The following CSMD1 variants were observed in gnomAD, a reference collection of about 807,000 sequenced individuals.
CSMD1 encodes CUB and Sushi multiple domains 1.
CSMD1 carries 213 observed loss-of-function variants against 417.5 expected under a neutral mutation model. That is an observed-to-expected ratio of 0.51 (90% confidence interval 0.46 to 0.57). The LOEUF (loss-of-function observed/expected upper bound fraction) is 0.57, where lower values mean the gene tolerates loss of function less well. Ranked by LOEUF, CSMD1 falls within the 20% of genes least tolerant of loss-of-function variation. The pLI, the probability that CSMD1 is intolerant of heterozygous loss-of-function variation, is 0.00. For synonymous variants in CSMD1, 2,862 were observed against 1,736.8 expected (o/e 1.65, Z -16.11); for missense variants, 6,923 against 4,529.7 (o/e 1.53, Z -15.17).
intron 26 of CSMD1, among the ~76,000 whole-genome samples, chr8:3,242,664 G>C (rs1799616720): frequency 6.6e-6 from 1 of 152,056 alleles, no homozygotes; most frequent in Non-Finnish European, 1.5e-5. Context: ...TAAGAACACA[G>C]GCTAAGGGAG....
intron 3 of CSMD1, among the ~76,000 whole-genome samples, chr8:4,376,850 G>A (rs866883504): frequency 6.6e-6 from 1 of 152,138 alleles, no homozygotes; most frequent in African/African-American, 2.4e-5. Context: ...ATTTGTAAGT[G>A]CTTCTCTGTT....
chr8:3,255,150 G>C (rs1295557211), intron 26 of CSMD1, among the ~76,000 whole-genome samples: 1 of 152,156 alleles, frequency 6.6e-6, no homozygotes, highest in African/African-American at 2.4e-5. Context: ...GAACCTATTT[G>C]CCTGGGTATC....
At chr8:4,280,592 G>T (rs1223313767) in intron 3 of CSMD1, among the ~76,000 whole-genome samples, 2 of 152,094 alleles carry the variant, frequency 1.3e-5, no homozygotes, top group Non-Finnish European at 2.9e-5. Context: ...GGGAAAAATG[G>T]GTACTGTTTG....
chr8:4,614,695 C>T (rs537395836), intron 2 of CSMD1, among the ~76,000 whole-genome samples: 15 of 152,164 alleles, frequency 9.9e-5, no homozygotes, highest in African/African-American at 3.4e-4. Context: ...CACGAATGCA[C>T]ACCATTCATG....
intron 1 of CSMD1, among the ~76,000 whole-genome samples, chr8:4,882,150 C>T (rs935320986): frequency 7.9e-5 from 12 of 152,054 alleles, no homozygotes; most frequent in Admixed American, 1.3e-4. Context: ...CATGTAGTTA[C>T]AAGTGCTGGA....
At chr8:3,640,779 G>A (rs1797266136) in intron 7 of CSMD1, among the ~76,000 whole-genome samples, 3 of 152,146 alleles carry the variant, frequency 2.0e-5, no homozygotes, top group African/African-American at 7.2e-5. Context: ...CAGCCCCTGT[G>A]TGGGGAAGAG....
intron 2 of CSMD1, among the ~76,000 whole-genome samples, chr8:4,517,002 A>C (rs1169991114): frequency 6.6e-6 from 1 of 152,172 alleles, no homozygotes; most frequent in African/African-American, 2.4e-5. Context: ...TTAACGGACT[A>C]TATCAGATAT....
chr8:4,256,318 A>G (rs960934402), intron 3 of CSMD1, among the ~76,000 whole-genome samples: 1 of 152,204 alleles, frequency 6.6e-6, no homozygotes, highest in Non-Finnish European at 1.5e-5. Context: ...AATTTTGCAG[A>G]AAGACCAGCT....
chr8:2,990,403 CA>C (rs760089171), intron 54 of CSMD1, among the ~76,000 whole-genome samples: 82 of 152,296 alleles, frequency 5.4e-4, no homozygotes, highest in Non-Finnish European at 1.0e-3. Flanking sequence ...GACAGTGGGA[CA>C]AGATTTCATT....
intron 49 of CSMD1, among the ~76,000 whole-genome samples, chr8:3,066,240 A>T (rs1386009654): frequency 6.6e-6 from 1 of 152,220 alleles, no homozygotes; most frequent in African/African-American, 2.4e-5. Context: ...GAAATGAAGC[A>T]TTTCAATATC....
At chr8:4,368,923 C>G (rs973658922) in intron 3 of CSMD1, among the ~76,000 whole-genome samples, 3 of 151,948 alleles carry the variant, frequency 2.0e-5, no homozygotes, top group Admixed American at 6.6e-5. Context: ...TTATTGATCT[C>G]TTATATGGAT....
intron 2 of CSMD1, among the ~76,000 whole-genome samples, chr8:4,623,150 A>G (rs1330829857): frequency 6.6e-6 from 1 of 152,102 alleles, no homozygotes; most frequent in African/African-American, 2.4e-5. Context: ...ACTCAAAGGG[A>G]AGACAAAAGT....
chr8:4,109,235 AT>A (rs1205310730), intron 3 of CSMD1, among the ~76,000 whole-genome samples: 2 of 151,756 alleles, frequency 1.3e-5, no homozygotes, highest in East Asian at 1.9e-4. Flanking sequence ...ACAACCATCC[AT>A]TTTTTTTCTG....
chr8:4,544,406 A>T (rs1949912), intron 2 of CSMD1, among the ~76,000 whole-genome samples: 139,986 of 152,100 alleles, frequency 0.92, 65,561 homozygotes, highest in East Asian at 1. Context: ...TTATTAATAA[A>T]AATTACAGTA....
chr8:4,901,790 G>C (rs147132014), intron 1 of CSMD1, among the ~76,000 whole-genome samples: 2 of 152,112 alleles, frequency 1.3e-5, no homozygotes, highest in Admixed American at 6.6e-5. Context: ...CTTGGAGGGA[G>C]GCACAATTGT....
chr8:3,592,822 T>A (rs114762696), intron 8 of CSMD1, among the ~76,000 whole-genome samples: 1,641 of 152,220 alleles, frequency 0.011, 34 homozygotes, highest in African/African-American at 0.037. Flanking sequence ...CACAGTGGGA[T>A]CCAGGTGTAC....
chr8:4,486,149 A>G lies in CSMD1; in HGVS notation c.303-66084T>C, dbSNP rs977382653. ...TATATATATATATACATACATATAT[A>G]TATATATACATACATATATATATAT... On this transcript the variant is annotated intron_variant, in intron 2 of 69. Transcript: ENST00000635120. Among the ~76,000 whole-genome samples, 104 of 25,546 alleles carry G rather than the reference A, an allele frequency of 4.1e-3. 5 individuals carry two copies. The highest frequency in any genetic ancestry group is 0.012 in the African/African-American group (85 of 7,118). 16.8% of individuals were successfully genotyped at this position (25,546 alleles called of 152,430 possible). A position where few individuals can be genotyped will look rare whatever the true frequency, so the allele number is the denominator to read the frequency against.
intron 1 of CSMD1, among the ~76,000 whole-genome samples, chr8:4,932,814 T>C (rs1169840843): frequency 1.3e-5 from 2 of 152,204 alleles, no homozygotes; most frequent in Non-Finnish European, 2.9e-5. Flanking sequence ...ACCCCTTCCC[T>C]GTGCTCCCTG....
chr8:2,945,197 G>T (rs1395414090), intron 68 of CSMD1, among the ~76,000 whole-genome samples: 1 of 152,036 alleles, frequency 6.6e-6, no homozygotes, highest in African/African-American at 2.4e-5. Context: ...TATAGTTGAG[G>T]GTTTTAAAAA....
Sources: allele counts gnomAD v4.1 joint callset (sites outside exome capture counted in the v4.1 genomes callset), GRCh38; gene constraint gnomAD v4.1.1; transcripts MANE v1.5; gene names NCBI Gene and HGNC (gene_info 2026-07-23, HGNC 2026-07-21).